The following PDE7A variants were observed in gnomAD, a reference collection of about 807,000 sequenced individuals.
The protein encoded by PDE7A is high affinity 3',5'-cyclic-AMP phosphodiesterase 7A.
PDE7A carries 39 observed loss-of-function variants against 64.3 expected under a neutral mutation model. The observed-to-expected ratio is 0.61, with a 90% CI of 0.47 to 0.79. The LOEUF (loss-of-function observed/expected upper bound fraction) is 0.79. Ranked by LOEUF, PDE7A falls within the 30% of genes least tolerant of loss-of-function variation. PDE7A has a pLI of 0.00. For missense variants in PDE7A, 470 were observed against 582.8 expected, an observed-to-expected ratio of 0.81 and a Z score of 1.99; for synonymous variants, 203 against 206.8, an observed-to-expected ratio of 0.98 and a Z score of 0.16.
Position 65,719,019 on chromosome 8 carries a change from C to T in PDE7A, c.*271G>A. On this transcript the variant is annotated 3_prime_UTR_variant, in exon 13 of 13. Coordinates refer to ENST00000401827, the MANE Select transcript of PDE7A (RefSeq NM_001242318.3). ...AAGTCGTGGCACATATCAAAACTTC[C>T]TTTGTTACTCCTTTCGGATTCTCTC... The T allele has an allele frequency of 6.3e-6, 3 of 475,984 alleles. No homozygotes were observed. Among genetic ancestry groups the T allele is most frequent in the Non-Finnish European group, 1.1e-5 (3 of 262,628 alleles). The allele number at this position is 475,984 out of a possible 1,614,324, so 29.5% of individuals were successfully genotyped here. A position where few individuals can be genotyped will look rare whatever the true frequency, so the allele number is the denominator to read the frequency against.
rs1332481894 is a variant in PDE7A, at chr8:65,727,068, ACATT to A, written c.828+98_828+101del. The A allele has an allele frequency of 4.0e-6, 4 of 995,292 alleles. No homozygotes were observed. The South Asian group carries it at 4.2e-5, about 10-fold the overall frequency. 61.7% of individuals were successfully genotyped at this position (995,292 alleles called of 1,614,324 possible). A position where few individuals can be genotyped will look rare whatever the true frequency, so the allele number is the denominator to read the frequency against. ...CAATATTAATCTGGTTAAAATTCTAACATTCATTGAGAATTTATTTTCATTACTT... is the reference window on the plus strand; with the variant it reads ...CAATATTAATCTGGTTAAAATTCTAACATTGAGAATTTATTTTCATTACTT... On this transcript the variant is annotated intron_variant, in intron 8 of 12. Coordinates refer to ENST00000401827, the MANE Select transcript of PDE7A (RefSeq NM_001242318.3).
chr8:65,801,603 T>TA (rs139916463), intron 1 of PDE7A, among the ~76,000 whole-genome samples: 68 of 149,076 alleles, frequency 4.6e-4, no homozygotes, highest in South Asian at 8.5e-4. Context: ...TACACTCATT[T>TA]AAAAAAAAAA....
At chr8:65,734,983 T>A in intron 6 of PDE7A, 89 bp from the exon 7 acceptor site, 4 of 817,490 alleles carry the variant, frequency 4.9e-6, no homozygotes, top group Non-Finnish European at 6.3e-6. Flanking sequence ...TACCCACTCA[T>A]ACTTTTCATG....
rs746146800 is a variant in PDE7A at position 65,782,826 on chromosome 8, G to A, written c.156C>T (p.Ser52=). ...ATGCAGTCTGATCAGAACTGTCATA[G>A]GAAATAGCTCCACGCCTCTAGAAAA... is the stretch of plus-strand genomic sequence containing the variant. ...RQLSQRRGAI[S]YDSSDQTALY... Residue 52 remains serine, a synonymous_variant, in exon 2 of 13, where the codon TCC becomes TCT. Transcript: ENST00000401827. 2.1e-5 allele frequency: 33 copies of A among 1,590,364 alleles called. No individual in the cohort carries two copies. Among genetic ancestry groups the A allele is most frequent in the Non-Finnish European group, 2.8e-5 (33 of 1,160,098 alleles).
At chr8:65,814,564 C>A (rs976184582) in intron 1 of PDE7A, among the ~76,000 whole-genome samples, 7 of 145,096 alleles carry the variant, frequency 4.8e-5, no homozygotes, top group African/African-American at 1.5e-4. Context: ...ATATATAATA[C>A]GTACACATAT....
chr8:65,834,379 C>G (rs1232269308), intron 1 of PDE7A, among the ~76,000 whole-genome samples: 1 of 152,136 alleles, frequency 6.6e-6, no homozygotes, highest in Non-Finnish European at 1.5e-5. Context: ...TTTATGTTAT[C>G]AGTAAGGCTT....
chr8:65,808,347 AT>A lies in PDE7A; in HGVS notation c.139-25505del, dbSNP rs200052890. Among the ~76,000 whole-genome samples the A allele has an allele frequency of 3.8e-3, 585 of 152,314 alleles. 11 individuals are homozygous for A. Among genetic ancestry groups the A allele is most frequent in the Admixed American group, 0.034 (524 of 15,300 alleles). ...TAATGAATAAGTTACTACAATAAGAATTTTACCAACAAAATACTGTATATAT... is the reference window on the plus strand; with the variant it reads ...TAATGAATAAGTTACTACAATAAGAATTTACCAACAAAATACTGTATATAT... On this transcript the variant is annotated intron_variant, in intron 1 of 12. Coordinates refer to ENST00000401827, the MANE Select transcript of PDE7A (RefSeq NM_001242318.3).
In PDE7A at chr8:65,744,145, T is replaced by C. The variant is rs966011156; in HGVS notation, c.499+1262A>G. Among the ~76,000 whole-genome samples, 3 of 152,250 alleles carry C rather than the reference T, an allele frequency of 2.0e-5. No individual in the cohort carries two copies. In the East Asian group the frequency reaches 5.8e-4, roughly 29 times the overall value. On this transcript the variant is annotated intron_variant, in intron 5 of 12. Transcript: ENST00000401827. ...ACCACGCCCAGCCTAGCTGAACTGC[T>C]TTTACCAGTGAATAAGAACACAAAT...
chr8:65,740,753 C>A (rs1259130758), intron 5 of PDE7A, among the ~76,000 whole-genome samples: 2 of 152,158 alleles, frequency 1.3e-5, no homozygotes, highest in Non-Finnish European at 2.9e-5. Context: ...CAGAGATATT[C>A]CTTGTTCTAT....
chr8:65,784,358 G>A (rs1809493245), intron 1 of PDE7A, among the ~76,000 whole-genome samples: 1 of 152,134 alleles, frequency 6.6e-6, no homozygotes, highest in Non-Finnish European at 1.5e-5. Context: ...TAGAATCTGT[G>A]GAGGAAATAC....
intron 3 of PDE7A, among the ~76,000 whole-genome samples, chr8:65,757,066 G>A (rs558773615): frequency 2.0e-5 from 3 of 152,232 alleles, no homozygotes; most frequent in East Asian, 3.9e-4. Context: ...CCCTGAATGC[G>A]GTCCTCTTGG....
intron 9 of PDE7A, 103 bp from the exon 10 acceptor site, chr8:65,725,024 A>C: frequency 1.7e-6 from 1 of 577,376 alleles, no homozygotes; most frequent in South Asian, 4.4e-5. Flanking sequence ...TAGAACCCTA[A>C]AATATCCAAC....
Position 65,747,564 on chromosome 8 carries a change from G to C in PDE7A, c.435+88C>G, listed in dbSNP as rs1022313643. On this transcript the variant is annotated intron_variant, in intron 4 of 12. Transcript: ENST00000401827. ...ACTGCTTTTCATAGACAGAGAAAAA[G>C]ACTCTATAAATCATTACTGTATGGG... The C allele has an allele frequency of 2.6e-5, 19 of 730,418 alleles. No individual in the cohort carries two copies. In the East Asian group the frequency reaches 5.8e-4, roughly 22 times the overall value. 45.2% of individuals were successfully genotyped at this position (730,418 alleles called of 1,614,324 possible). A position where few individuals can be genotyped will look rare whatever the true frequency, so the allele number is the denominator to read the frequency against.
intron 3 of PDE7A, among the ~76,000 whole-genome samples, chr8:65,776,763 T>C (rs1035184021): frequency 1.4e-4 from 21 of 152,226 alleles, no homozygotes; most frequent in African/African-American, 4.8e-4. Flanking sequence ...CTTCACTTAT[T>C]AATCCTAACA....
rs573026582 is a variant in PDE7A at position 65,728,341 on chromosome 8, T to C, written c.697-1040A>G. The C allele has an allele frequency of 5.3e-5, 8 of 152,330 alleles. No homozygotes were observed. The East Asian group carries it at 7.7e-4, about 15-fold the overall frequency. The allele number at this position is 152,330 out of a possible 1,614,324, so 9.4% of individuals were successfully genotyped here. A position where few individuals can be genotyped will look rare whatever the true frequency, so the allele number is the denominator to read the frequency against. On this transcript the variant is annotated intron_variant, in intron 7 of 12. Coordinates refer to ENST00000401827, the MANE Select transcript of PDE7A (RefSeq NM_001242318.3). The stretch of plus-strand genomic sequence containing the variant: ...AAAATAATTTTAGATTCAAATTCTA[T>C]TGTTTTCTTTCTCTGCTAGAACGAA...
In PDE7A at chr8:65,724,295, C is replaced by G; in HGVS notation, c.1122G>C (p.Lys374Asn). ...CNPCRTWELS[K>N]QWSEKVTEEF... is the part of the protein sequence containing the mutation. ...CCTCCGTTACTTTTTCACTCCACTG[C>G]TTGCTTAATTCCCACGTCCGACATG... Residue 374 changes from lysine to asparagine, a missense_variant, in exon 11 of 13, where the codon AAG (lysine) becomes AAC (asparagine). Coordinates refer to ENST00000401827, the MANE Select transcript of PDE7A (RefSeq NM_001242318.3). 1 of 1,612,890 alleles carries G rather than the reference C, an allele frequency of 6.2e-7. No individual in the cohort carries two copies. The highest frequency in any genetic ancestry group is 8.5e-7 in the Non-Finnish European group (1 of 1,179,126).
Position 65,719,181 on chromosome 8 carries a change from C to A in PDE7A, c.*109G>T. The A allele has an allele frequency of 1.4e-6, 1 of 714,572 alleles. No individual in the cohort carries two copies. The allele number at this position is 714,572 out of a possible 1,614,324, so 44.3% of individuals were successfully genotyped here. A position where few individuals can be genotyped will look rare whatever the true frequency, so the allele number is the denominator to read the frequency against. On this transcript the variant is annotated 3_prime_UTR_variant, in exon 13 of 13. Coordinates refer to ENST00000401827, the MANE Select transcript of PDE7A (RefSeq NM_001242318.3). ...GGAAATAAATAATGCTGGCTGGCAT[C>A]ACTCACTTGGAAACCTTGGCAGTCA...
chr8:65,776,491 G>T (rs1357486599), intron 3 of PDE7A, among the ~76,000 whole-genome samples: 1 of 152,068 alleles, frequency 6.6e-6, no homozygotes, highest in Non-Finnish European at 1.5e-5. Context: ...ATTTAGGAAA[G>T]AAGAAAAACT....
chr8:65,784,658 A>C (rs11786141), intron 1 of PDE7A, among the ~76,000 whole-genome samples: 6,339 of 152,182 alleles, frequency 0.042, 169 homozygotes, highest in Middle Eastern at 0.065. Flanking sequence ...GTAAAGGATA[A>C]ACTTCAAACC....
Sources: allele counts gnomAD v4.1 joint callset (sites outside exome capture counted in the v4.1 genomes callset), GRCh38; gene constraint gnomAD v4.1.1; transcripts MANE v1.5; gene names NCBI Gene and HGNC (gene_info 2026-07-23, HGNC 2026-07-21).